GFOD1: variants seen among roughly 807,000 people sequenced by gnomAD.
The protein encoded by GFOD1 is glucose-fructose oxidoreductase domain-containing protein 1.
Under a neutral mutation model 25.4 loss-of-function variants are expected in GFOD1, and 9 were observed. The ratio of observed to expected loss-of-function variants is 0.35; its 90% CI spans 0.21 to 0.62. GFOD1 has a LOEUF of 0.62. Among genes scored for constraint, GFOD1 ranks in the 20% least tolerant of loss-of-function variants. The pLI, the probability that GFOD1 is intolerant of heterozygous loss-of-function variation, is 0.72. For synonymous variants in GFOD1, 253 were observed against 245.6 expected (o/e 1.03, Z -0.28); for missense variants, 403 against 556.9 (o/e 0.72, Z 2.78).
intron 1 of GFOD1, chr6:13,470,506 G>C (rs1335530446): frequency 1.3e-6 from 2 of 1,549,894 alleles, no homozygotes; most frequent in South Asian, 2.4e-5. Context: ...CATCGTGGGG[G>C]GTAAACAAAT....
intron 1 of GFOD1, chr6:13,470,144 T>C (rs377399418): frequency 1.4e-5 from 21 of 1,510,080 alleles, no homozygotes; most frequent in African/African-American, 8.2e-5. Context: ...TTGGTGAATG[T>C]AGCCAGTGAT....
In GFOD1 at chr6:13,361,723, A is replaced by G. The variant is rs533239770; in HGVS notation, c.*3020T>C. The G allele has an allele frequency of 6.6e-6, 1 of 152,230 alleles. No individual in the cohort carries two copies. Among genetic ancestry groups the G allele is most frequent in the Admixed American group, 6.5e-5 (1 of 15,288 alleles). The allele number at this position is 152,230 out of a possible 1,614,324, so 9.4% of individuals were successfully genotyped here. A position where few individuals can be genotyped will look rare whatever the true frequency, so the allele number is the denominator to read the frequency against. ...TATATTTAAAGAAAATGAACTATCC[A>G]GTTCTTTTCTTTCTCTTGTTCCTTC... On this transcript the variant is annotated 3_prime_UTR_variant, in exon 2 of 2. Transcript: ENST00000379287.
intron 1 of GFOD1, among the ~76,000 whole-genome samples, chr6:13,397,597 G>A (rs1474751172): frequency 6.6e-6 from 1 of 152,186 alleles, no homozygotes; most frequent in Non-Finnish European, 1.5e-5. Flanking sequence ...TACCACCTGG[G>A]AGGGCAGATA....
At chr6:13,484,718 C>G (rs1392929666) in intron 1 of GFOD1, among the ~76,000 whole-genome samples, 2 of 152,100 alleles carry the variant, frequency 1.3e-5, no homozygotes, top group Non-Finnish European at 2.9e-5. Context: ...GAAACCAGAG[C>G]CCCCAGACAC....
At chr6:13,406,503 C>T (rs756081739) in intron 1 of GFOD1, among the ~76,000 whole-genome samples, 22 of 152,082 alleles carry the variant, frequency 1.4e-4, no homozygotes, top group Non-Finnish European at 2.5e-4. Context: ...CCTAAACAGA[C>T]GGGAGGGGAG....
intron 1 of GFOD1, among the ~76,000 whole-genome samples, chr6:13,419,017 A>G (rs947280367): frequency 1.3e-5 from 2 of 151,796 alleles, no homozygotes; most frequent in African/African-American, 4.8e-5. Context: ...GGAGTTTGGG[A>G]GCCCCAGCAG....
chr6:13,412,019 A>C (rs1786086044), intron 1 of GFOD1, among the ~76,000 whole-genome samples: 1 of 152,234 alleles, frequency 6.6e-6, no homozygotes, highest in South Asian at 2.1e-4. Context: ...CTTTAGAGCT[A>C]TTGCAGGGAT....
At chr6:13,404,854 G>A (rs1308389827) in intron 1 of GFOD1, among the ~76,000 whole-genome samples, 1 of 152,202 alleles carries the variant, frequency 6.6e-6, no homozygotes, top group Non-Finnish European at 1.5e-5. Flanking sequence ...ACATGCTAGA[G>A]TCCTCTGTGC....
At chr6:13,446,312 A>G (rs1432057001) in intron 1 of GFOD1, among the ~76,000 whole-genome samples, 1 of 152,208 alleles carries the variant, frequency 6.6e-6, no homozygotes, top group Non-Finnish European at 1.5e-5. Flanking sequence ...GAATCCTAAG[A>G]ACCAGCATGC....
Position 13,487,522 on chromosome 6 carries a change from C to G in GFOD1, c.-632G>C, listed in dbSNP as rs1235703072. ...CGCGGCAGCGGCGGCCACGACCCGGCGCCAGCCTCCTCATTCTGCTGCCAT... is the reference window on the plus strand; with the variant it reads ...CGCGGCAGCGGCGGCCACGACCCGGGGCCAGCCTCCTCATTCTGCTGCCAT... On this transcript the variant is annotated 5_prime_UTR_variant, in exon 1 of 2. Coordinates refer to ENST00000379287, the MANE Select transcript of GFOD1 (RefSeq NM_018988.4). This position sits in a 1 kb window ranked among gnomAD's most constrained non-coding sequence, Gnocchi z 4.9. 1 of 152,038 alleles carries G rather than the reference C, an allele frequency of 6.6e-6. No individual in the cohort carries two copies. Among genetic ancestry groups the G allele is most frequent in the Non-Finnish European group, 1.5e-5 (1 of 68,024 alleles). The allele number at this position is 152,038 out of a possible 1,614,324, so 9.4% of individuals were successfully genotyped here. A position where few individuals can be genotyped will look rare whatever the true frequency, so the allele number is the denominator to read the frequency against.
intron 1 of GFOD1, among the ~76,000 whole-genome samples, chr6:13,407,491 G>A (rs1356170129): frequency 6.6e-6 from 1 of 152,160 alleles, no homozygotes; most frequent in East Asian, 1.9e-4. Context: ...GGCTGGCACA[G>A]AGCAGCACTC....
intron 1 of GFOD1, among the ~76,000 whole-genome samples, chr6:13,468,635 G>C (rs1380140693): frequency 6.6e-6 from 1 of 152,192 alleles, no homozygotes; most frequent in African/African-American, 2.4e-5. Context: ...AGCTGTCAGT[G>C]ATCAGCTGTG....
intron 1 of GFOD1, among the ~76,000 whole-genome samples, chr6:13,458,655 G>T (rs1308449845): frequency 2.7e-5 from 4 of 148,194 alleles, no homozygotes; most frequent in African/African-American, 9.8e-5. Flanking sequence ...TTATAGGGTT[G>T]TTGGGACCTT....
intron 1 of GFOD1, among the ~76,000 whole-genome samples, chr6:13,409,034 G>A (rs576248970): frequency 5.3e-5 from 8 of 149,800 alleles, no homozygotes; most frequent in African/African-American, 2.0e-4. Flanking sequence ...GCAGTGAGCT[G>A]AGATTGTGCC....
chr6:13,456,422 G>A (rs62385774), intron 1 of GFOD1, among the ~76,000 whole-genome samples: 3,687 of 152,188 alleles, frequency 0.024, 65 homozygotes, highest in Middle Eastern at 0.071. Context: ...TGATCCACCC[G>A]CCTCGACTTC....
chr6:13,444,145 G>A (rs1214371200), intron 1 of GFOD1, among the ~76,000 whole-genome samples: 2 of 152,072 alleles, frequency 1.3e-5, no homozygotes, highest in Admixed American at 1.3e-4. Flanking sequence ...AAAGAAAATG[G>A]GGTACATAAA....
At chr6:13,377,280 TA>T (rs1176471353) in intron 1 of GFOD1, among the ~76,000 whole-genome samples, 2 of 152,186 alleles carry the variant, frequency 1.3e-5, no homozygotes, top group Non-Finnish European at 2.9e-5. Flanking sequence ...CTGAGCAGCT[TA>T]AAACAACACC....
At chr6:13,424,642 G>A (rs1197872626) in intron 1 of GFOD1, among the ~76,000 whole-genome samples, 2 of 152,140 alleles carry the variant, frequency 1.3e-5, no homozygotes, top group African/African-American at 4.8e-5. Context: ...TAAGAACTAT[G>A]TGCATATAAA....
intron 1 of GFOD1, among the ~76,000 whole-genome samples, chr6:13,366,244 G>A (rs1028564120): frequency 1.3e-5 from 2 of 152,014 alleles, no homozygotes; most frequent in Non-Finnish European, 2.9e-5. Flanking sequence ...GCAGTGGTGC[G>A]ATCATAGCTA....
Sources: allele counts gnomAD v4.1 joint callset (sites outside exome capture counted in the v4.1 genomes callset), GRCh38; gene constraint gnomAD v4.1.1; non-coding constraint Gnocchi (gnomAD v3.1); transcripts MANE v1.5; gene names NCBI Gene and HGNC (gene_info 2026-07-23, HGNC 2026-07-21).